The following PLXNA2 variants were observed in gnomAD, a reference collection of about 807,000 sequenced individuals.
PLXNA2 encodes plexin A2.
A neutral mutation model predicts 193.5 loss-of-function variants in PLXNA2; 91 were observed. That is an observed-to-expected ratio of 0.47 (90% confidence interval 0.40 to 0.56). The LOEUF is 0.56. PLXNA2 is among the 20% of genes least tolerant of loss of function. The pLI, the probability that PLXNA2 is intolerant of heterozygous loss-of-function variation, is 0.00. For missense variants in PLXNA2, 1,995 were observed against 2,503.2 expected (o/e 0.80, Z 4.33); for synonymous variants, 997 against 1,027.3 (o/e 0.97, Z 0.56).
intron 4 of PLXNA2, among the ~76,000 whole-genome samples, chr1:208,123,388 C>T (rs1332529884): frequency 1.3e-5 from 2 of 152,202 alleles, no homozygotes; most frequent in Non-Finnish European, 2.9e-5. Flanking sequence ...TTAATATACA[C>T]ACTTAAGATA....
chr1:208,185,742 C>G (rs1483202734), intron 3 of PLXNA2, among the ~76,000 whole-genome samples: 1 of 104,822 alleles, frequency 9.5e-6, no homozygotes, highest in African/African-American at 3.6e-5. Flanking sequence ...GAAACTATCA[C>G]TTTTGAGCTA....
At chr1:208,193,973 A>T (rs1234731291) in intron 3 of PLXNA2, among the ~76,000 whole-genome samples, 1 of 149,692 alleles carries the variant, frequency 6.7e-6, no homozygotes, top group East Asian at 1.9e-4. Context: ...AATAAAAAAC[A>T]CTTGTCCAGG....
intron 9 of PLXNA2, among the ~76,000 whole-genome samples, chr1:208,089,679 T>C (rs1334535450): frequency 6.6e-6 from 1 of 152,216 alleles, no homozygotes; most frequent in Non-Finnish European, 1.5e-5. Flanking sequence ...ATATTAATGT[T>C]GCTATATTAA....
intron 12 of PLXNA2, among the ~76,000 whole-genome samples, chr1:208,062,059 A>T (rs1665637475): frequency 6.6e-6 from 1 of 152,150 alleles, no homozygotes; most frequent in African/African-American, 2.4e-5. Context: ...GGCAGGATGG[A>T]TGAAGGAAGG....
At chr1:208,127,749 CG>C (rs1243815970) in intron 4 of PLXNA2, among the ~76,000 whole-genome samples, 2 of 152,340 alleles carry the variant, frequency 1.3e-5, no homozygotes, top group East Asian at 3.9e-4. Context: ...TGCTGACTTA[CG>C]GAGTAACTCC....
intron 3 of PLXNA2, among the ~76,000 whole-genome samples, chr1:208,157,942 G>C (rs547998959): frequency 1.1e-4 from 17 of 152,348 alleles, no homozygotes; most frequent in Admixed American, 2.6e-4. Flanking sequence ...AGATCACTAG[G>C]AGCCCAGCGG....
intron 5 of PLXNA2, among the ~76,000 whole-genome samples, chr1:208,100,909 G>A (rs570307088): frequency 3.3e-5 from 5 of 152,278 alleles, no homozygotes; most frequent in African/African-American, 7.2e-5. Flanking sequence ...TGGTGCCAGC[G>A]TGTCCAAACC....
chr1:208,177,421 G>C (rs4406632), intron 3 of PLXNA2, among the ~76,000 whole-genome samples: 57,623 of 151,916 alleles, frequency 0.38, 11,068 homozygotes, highest in Middle Eastern at 0.44. Flanking sequence ...ATTTGTAAAT[G>C]GGGATAATAA....
At chr1:208,167,181 A>T (rs1669336493) in intron 3 of PLXNA2, among the ~76,000 whole-genome samples, 1 of 152,162 alleles carries the variant, frequency 6.6e-6, no homozygotes, top group Non-Finnish European at 1.5e-5. Flanking sequence ...ACAGCTCCTA[A>T]TGAGGACTCC....
intron 4 of PLXNA2, among the ~76,000 whole-genome samples, chr1:208,103,584 A>G (rs957670186): frequency 1.3e-5 from 2 of 152,228 alleles, no homozygotes; most frequent in Admixed American, 6.5e-5. Flanking sequence ...TTGAAAGGCT[A>G]TTGAGTGGCA....
chr1:208,203,102 T>G (rs1303351207), intron 3 of PLXNA2, among the ~76,000 whole-genome samples: 1 of 152,026 alleles, frequency 6.6e-6, no homozygotes, highest in South Asian at 2.1e-4. Context: ...TCAAGACGGG[T>G]GGGAGTGGGA....
chr1:208,239,874 G>T (rs1330147543), intron 1 of PLXNA2, among the ~76,000 whole-genome samples: 1 of 152,224 alleles, frequency 6.6e-6, no homozygotes, highest in Non-Finnish European at 1.5e-5. Flanking sequence ...AGGAAGAGGT[G>T]AGTGGGGGTC....
chr1:208,054,383 C>T, intron 14 of PLXNA2, 38 bp downstream of exon 14: 1 of 1,415,202 alleles, frequency 7.1e-7, no homozygotes, highest in Non-Finnish European at 1.0e-6. Context: ...GTGTCTCCTC[C>T]CTGGGCACCT....
At chr1:208,037,548 A>G (rs12073138) in intron 26 of PLXNA2, among the ~76,000 whole-genome samples, 8,940 of 152,098 alleles carry the variant, frequency 0.059, 429 homozygotes, top group African/African-American at 0.12. Context: ...CGCTTCCTCT[A>G]GTTGGTTTAA....
chr1:208,219,980 G>A (rs993932779), intron 1 of PLXNA2, among the ~76,000 whole-genome samples: 2 of 152,326 alleles, frequency 1.3e-5, no homozygotes, highest in Non-Finnish European at 2.9e-5. Flanking sequence ...GAGGAGCTGT[G>A]GAAAGGAAAT....
intron 3 of PLXNA2, among the ~76,000 whole-genome samples, chr1:208,186,592 T>G (rs1236769208): frequency 6.6e-6 from 1 of 151,912 alleles, no homozygotes; most frequent in Non-Finnish European, 1.5e-5. Flanking sequence ...TTCAGAAAGG[T>G]AGGCTTGGAG....
At chr1:208,191,218 G>A (rs551124900) in intron 3 of PLXNA2, among the ~76,000 whole-genome samples, 8 of 152,138 alleles carry the variant, frequency 5.3e-5, no homozygotes, top group Non-Finnish European at 1.0e-4. Context: ...CCTGCCTCAC[G>A]CGGAAACACA....
At chr1:208,096,493 G>A (rs1415825931) in intron 7 of PLXNA2, among the ~76,000 whole-genome samples, 3 of 152,214 alleles carry the variant, frequency 2.0e-5, no homozygotes, top group Non-Finnish European at 2.9e-5. Context: ...TCCTAGGAGG[G>A]ACGGGCTATC....
chr1:208,162,755 A>G (rs1252907877), intron 3 of PLXNA2, among the ~76,000 whole-genome samples: 1 of 152,172 alleles, frequency 6.6e-6, no homozygotes, highest in Non-Finnish European at 1.5e-5. Context: ...CCTGATGAAG[A>G]AAGTAAGGCA....
Sources: gnomAD v4.1 joint callset for allele counts (sites outside exome capture counted in the v4.1 genomes callset) on GRCh38, gnomAD v4.1.1 for gene constraint, MANE v1.5 for transcripts, NCBI Gene and HGNC (gene_info 2026-07-23, HGNC 2026-07-21) for gene names.